Variants in ACAA2 observed in about 807,000 individuals in gnomAD.
The protein encoded by ACAA2 is 3-ketoacyl-CoA thiolase, mitochondrial.
Under a neutral mutation model 44.8 loss-of-function variants are expected in ACAA2, and 35 were observed. The observed-to-expected ratio is 0.78, with a 90% CI of 0.60 to 1.04. The LOEUF (loss-of-function observed/expected upper bound fraction) is 1.04. ACAA2 is among the 50% of genes least tolerant of loss of function. ACAA2 has a pLI of 0.00. For synonymous variants in ACAA2, 142 were observed against 166.5 expected, an observed-to-expected ratio of 0.85 and a Z score of 1.13; for missense variants, 468 against 482.6, an observed-to-expected ratio of 0.97 and a Z score of 0.28.
At chr18:49,786,516 A>C (rs2023331048) in intron 8 of ACAA2, 1 of 152,174 alleles carries the variant, frequency 6.6e-6, no homozygotes, top group African/African-American at 2.4e-5. Flanking sequence ...ATTTGTCTGA[A>C]ATCATGGTTT....
At chr18:49,813,370 C>G (rs989239526) in intron 1 of ACAA2, 99 bp downstream of exon 1, 1 of 994,876 alleles carries the variant, frequency 1.0e-6, no homozygotes, top group South Asian at 5.1e-5. Context: ...TGAACTTCAC[C>G]CCACGACCCC....
intron 5 of ACAA2, among the ~76,000 whole-genome samples, chr18:49,792,864 ACTTACAC>A (rs761873883): frequency 7.9e-5 from 12 of 151,960 alleles, no homozygotes; most frequent in Non-Finnish European, 1.3e-4. Flanking sequence ...TTTACTATTT[ACTTACAC>A]AACTTACCTT....
At chr18:49,805,879 C>T (rs572889872) in intron 1 of ACAA2, among the ~76,000 whole-genome samples, 34 of 152,092 alleles carry the variant, frequency 2.2e-4, no homozygotes, top group Non-Finnish European at 4.6e-4. Flanking sequence ...GCATGAGCTA[C>T]TGCACCTGGC....
intron 3 of ACAA2, among the ~76,000 whole-genome samples, chr18:49,796,261 T>C (rs1225362189): frequency 6.6e-6 from 1 of 152,186 alleles, no homozygotes; most frequent in African/African-American, 2.4e-5. Flanking sequence ...ATCCCATTAA[T>C]GGATGTATCT....
intron 2 of ACAA2, among the ~76,000 whole-genome samples, chr18:49,800,250 C>A (rs2023528152): frequency 6.8e-6 from 1 of 147,206 alleles, no homozygotes. Context: ...CGGCCAGCCG[C>A]CCCGTCCGGG....
chr18:49,807,629 T>C (rs116599873), intron 1 of ACAA2, among the ~76,000 whole-genome samples: 1,663 of 152,148 alleles, frequency 0.011, 40 homozygotes, highest in African/African-American at 0.037. Context: ...CCCAGGAGTT[T>C]GAGACCAGCC....
chr18:49,791,378 C>T, intron 7 of ACAA2, 92 bp downstream of exon 7: 1 of 1,304,968 alleles, frequency 7.7e-7, no homozygotes, highest in South Asian at 1.4e-5. Flanking sequence ...TACAGGTGAC[C>T]TTGGTTTGGC....
At chr18:49,810,689 T>TTTTG (rs532811591) in intron 1 of ACAA2, among the ~76,000 whole-genome samples, 116 of 152,036 alleles carry the variant, frequency 7.6e-4, no homozygotes, top group Admixed American at 2.2e-3. Context: ...TTTGGGTTTT[T>TTTTG]TTTGTTTGTT....
At chr18:49,810,695 T>C (rs763620730) in intron 1 of ACAA2, among the ~76,000 whole-genome samples, 24 of 151,864 alleles carry the variant, frequency 1.6e-4, no homozygotes, top group Non-Finnish European at 2.8e-4. Flanking sequence ...TTTTTTTTGT[T>C]TGTTTGTTTG....
intron 7 of ACAA2, among the ~76,000 whole-genome samples, chr18:49,788,035 G>A (rs1313304156): frequency 8.5e-5 from 13 of 152,194 alleles, no homozygotes; most frequent in African/African-American, 3.1e-4. Context: ...ACAACTCCAA[G>A]GGTAGGCAGG....
rs1032639378 is a variant in ACAA2, at chr18:49,795,760, C to T, written c.429+5G>A. 3 of 1,566,948 alleles carry T rather than the reference C, an allele frequency of 1.9e-6. No homozygotes were observed. In the South Asian group the frequency reaches 3.5e-5, roughly 18 times the overall value. ...CTAATTCTTTTAAATTTTTATGGTT[C>T]CAACCTTGATATCTGATCCAAGCTT... is the stretch of plus-strand genomic sequence containing the variant. On this transcript the variant is annotated splice_donor_5th_base_variant and intron_variant, in intron 4 of 9. Coordinates refer to ENST00000285093, the MANE Select transcript of ACAA2 (RefSeq NM_006111.3).
intron 1 of ACAA2, among the ~76,000 whole-genome samples, chr18:49,804,949 G>A (rs765364337): frequency 3.8e-4 from 58 of 152,174 alleles, no homozygotes; most frequent in Non-Finnish European, 7.2e-4. Context: ...CATTCATTAG[G>A]TGTCTACTAA....
chr18:49,787,413 A>G (rs1162686773), intron 7 of ACAA2, 52 bp from the exon 8 acceptor site: 2 of 1,215,824 alleles, frequency 1.6e-6, no homozygotes, highest in East Asian at 5.9e-5. Context: ...ATGTCATCTT[A>G]TATTTACGTA....
At chr18:49,785,592 T>C (rs1214310458) in intron 8 of ACAA2, 5 of 495,762 alleles carry the variant, frequency 1.0e-5, no homozygotes, top group Non-Finnish European at 1.8e-5. Context: ...ATCCCATAAA[T>C]TGACACATAC....
At position 49,812,277 on chromosome 18, in the gene ACAA2, G is replaced by GC. The variant is rs776895016; in HGVS notation, c.16+1191dup. Among the ~76,000 whole-genome samples the GC allele has an allele frequency of 2.4e-4, 36 of 152,136 alleles. 1 individual carries two copies. Among genetic ancestry groups the GC allele is most frequent in the Non-Finnish European group, 4.7e-4 (32 of 68,036 alleles). On this transcript the variant is annotated intron_variant, in intron 1 of 9. Transcript: ENST00000285093. ...GATCCCCCTAACCAATGCTTAGCTG[G>GC]CATCTCCACTTGGCTGCTTCACAGG...
intron 1 of ACAA2, among the ~76,000 whole-genome samples, chr18:49,804,969 A>G (rs1442493668): frequency 6.6e-6 from 1 of 152,238 alleles, no homozygotes; most frequent in Non-Finnish European, 1.5e-5. Context: ...AATACTAGAC[A>G]TTTTATCACT....
chr18:49,802,746 A>C lies in ACAA2; in HGVS notation c.124T>G (p.Ser42Ala). 6.2e-7 allele frequency: 1 copy of C among 1,614,142 alleles called. No homozygotes were observed. ...GTTTCAGGTGAGACTTTGCCAGCAG[A>C]CAAGGCAGCCTTGGCAGCAAATTCA... is the stretch of plus-strand genomic sequence containing the variant. ...LSEFAAKAAL[S>A]AGKVSPETVD... Residue 42 changes from serine (S) to alanine (A), a missense_variant, in exon 2 of 10, where the codon TCT becomes GCT. Transcript: ENST00000285093.
chr18:49,801,432 G>A (rs1442950722), intron 2 of ACAA2, among the ~76,000 whole-genome samples: 6 of 152,084 alleles, frequency 3.9e-5, no homozygotes, highest in Non-Finnish European at 4.4e-5. Context: ...CGCAAAAAAC[G>A]GAAGTATCCA....
chr18:49,788,505 G>C (rs7243732), intron 7 of ACAA2, among the ~76,000 whole-genome samples: 12,703 of 152,114 alleles, frequency 0.084, 660 homozygotes, highest in African/African-American at 0.15. Context: ...AGTTTCATGT[G>C]GCTACTGATT....
Sources: allele counts gnomAD v4.1 joint callset (sites outside exome capture counted in the v4.1 genomes callset), GRCh38; gene constraint gnomAD v4.1.1; transcripts MANE v1.5; gene names NCBI Gene and HGNC (gene_info 2026-07-23, HGNC 2026-07-21).